Variants in BCKDHB observed in about 807,000 individuals in gnomAD.
The protein encoded by BCKDHB is branched chain keto acid dehydrogenase E1 subunit beta.
Under a neutral mutation model 48.5 loss-of-function variants are expected in BCKDHB, and 41 were observed. That is an observed-to-expected ratio of 0.85 (90% CI 0.66 to 1.10). BCKDHB has a LOEUF of 1.10. Ranked by LOEUF, BCKDHB falls within the 50% of genes least tolerant of loss-of-function variation. The pLI, the probability that BCKDHB is intolerant of heterozygous loss-of-function variation, is 0.00. For missense variants in BCKDHB, 496 were observed against 494.2 expected (o/e 1.00, Z -0.03); for synonymous variants, 201 against 174.8 (o/e 1.15, Z -1.18).
chr6:80,431,819 A>G, the BCKDHB span, among the ~76,000 whole-genome samples: 1 of 152,148 alleles, frequency 6.6e-6, no homozygotes, highest in Non-Finnish European at 1.5e-5. Flanking sequence ...GTCCATTTAC[A>G]TTTAAGATTA....
intron 8 of BCKDHB, among the ~76,000 whole-genome samples, chr6:80,263,625 T>A (rs916365865): frequency 2.6e-5 from 4 of 152,108 alleles, no homozygotes; most frequent in Non-Finnish European, 4.4e-5. Flanking sequence ...TGGACCAAGT[T>A]TTAGAAAATA....
At chr6:80,308,590 T>A (rs1767990000) in intron 9 of BCKDHB, among the ~76,000 whole-genome samples, 1 of 132,814 alleles carries the variant, frequency 7.5e-6, no homozygotes, top group Middle Eastern at 4.0e-3. Flanking sequence ...TTCTTCTTCT[T>A]CTTCTTCTTT....
chr6:80,213,860 A>G (rs1486368627), intron 8 of BCKDHB, among the ~76,000 whole-genome samples: 1 of 152,082 alleles, frequency 6.6e-6, no homozygotes, highest in Non-Finnish European at 1.5e-5. Flanking sequence ...CATATTGGGC[A>G]TCTCTAGTCT....
the BCKDHB span, among the ~76,000 whole-genome samples, chr6:80,369,842 A>G: frequency 2.0e-3 from 310 of 152,330 alleles, 1 homozygote; most frequent in African/African-American, 6.8e-3. Flanking sequence ...ATTCTGGTGG[A>G]CATTAAAGTT....
chr6:80,307,810 A>T (rs1767953166), intron 9 of BCKDHB: 1 of 985,224 alleles, frequency 1.0e-6, no homozygotes, highest in Admixed American at 6.1e-5. Context: ...AGTTGTAGAT[A>T]ATCCATTCAA....
chr6:80,204,061 A>G lies in BCKDHB; in HGVS notation c.951+849A>G, dbSNP rs1405908773. 2.6e-5 allele frequency among the ~76,000 whole-genome samples: 4 copies of G among 152,122 alleles called. 1 individual carries two copies. The highest frequency in any genetic ancestry group is 4.8e-5 in the African/African-American group (2 of 41,444). ...AATTACATGTAAAATTGTAGGAAACAATGACATGTATTATTTTTTCTTGAT... is the reference window on the plus strand; with the variant it reads ...AATTACATGTAAAATTGTAGGAAACGATGACATGTATTATTTTTTCTTGAT... On this transcript the variant is annotated intron_variant, in intron 8 of 9. Transcript: ENST00000320393.
intron 1 of BCKDHB, among the ~76,000 whole-genome samples, chr6:80,121,218 C>G (rs1273904707): frequency 2.0e-5 from 3 of 152,114 alleles, no homozygotes; most frequent in Non-Finnish European, 4.4e-5. Context: ...TTCCATTGAT[C>G]TATATCTCTG....
intron 3 of BCKDHB, among the ~76,000 whole-genome samples, chr6:80,152,220 CA>C (rs1771820507): frequency 6.6e-6 from 1 of 150,958 alleles, no homozygotes; most frequent in Admixed American, 6.6e-5. Flanking sequence ...TGAAAAACTA[CA>C]TTTTTATTGT....
chr6:80,171,397 A>T lies in BCKDHB; in HGVS notation c.742+7A>T, dbSNP rs111903796. ...ATACTTTACAGGGCAGCAGGTAAAG[A>T]TTTTCTTTATTTTATATTTGTGAAT... On this transcript the variant is annotated splice_region_variant and intron_variant, in intron 6 of 9. Coordinates refer to ENST00000320393, the MANE Select transcript of BCKDHB (RefSeq NM_183050.4). 3.5e-4 allele frequency: 522 copies of T among 1,510,058 alleles called. 3 individuals are homozygous for T. The African/African-American group carries it at 6.1e-3, about 18-fold the overall frequency. The allele number at this position is 1,510,058 out of a possible 1,614,324, so 93.5% of individuals were successfully genotyped here.
At chr6:80,454,088 A>T in the BCKDHB span, 8 of 152,130 alleles carry the variant, frequency 5.3e-5, no homozygotes. Context: ...ACCTGACCCA[A>T]TTTCACTTTA....
Position 80,113,421 on chromosome 6 carries a change from G to T in BCKDHB, c.196+6532G>T, listed in dbSNP as rs981052122. On this transcript the variant is annotated intron_variant, in intron 1 of 9. Coordinates refer to ENST00000320393, the MANE Select transcript of BCKDHB (RefSeq NM_183050.4). ...CTCAGGCCTCTCACCCAAACTGGGC[G>T]GTGGTGGTCAGGTGCTTCCACATAG... Among the ~76,000 whole-genome samples the T allele has an allele frequency of 2.6e-5, 4 of 152,326 alleles. No individual in the cohort carries two copies. In the South Asian group the frequency reaches 8.3e-4, roughly 32 times the overall value.
At chr6:80,227,675 A>G (rs564767826) in intron 8 of BCKDHB, among the ~76,000 whole-genome samples, 14 of 152,158 alleles carry the variant, frequency 9.2e-5, no homozygotes, top group Non-Finnish European at 2.1e-4. Flanking sequence ...TAATAATACA[A>G]TCTGTTCTTA....
chr6:80,288,111 G>C (rs1766717066), intron 9 of BCKDHB, among the ~76,000 whole-genome samples: 1 of 151,458 alleles, frequency 6.6e-6, no homozygotes, highest in Non-Finnish European at 1.5e-5. Context: ...TCCAAATTGG[G>C]TGTTAGTAGT....
At chr6:80,440,186 T>G in the BCKDHB span, among the ~76,000 whole-genome samples, 3 of 152,188 alleles carry the variant, frequency 2.0e-5, no homozygotes, top group Non-Finnish European at 4.4e-5. Context: ...TAAAGGTAAC[T>G]TCAGGACTTC....
At chr6:80,260,609 C>T (rs758222695) in intron 8 of BCKDHB, among the ~76,000 whole-genome samples, 1 of 152,144 alleles carries the variant, frequency 6.6e-6, no homozygotes, top group Admixed American at 6.6e-5. Context: ...GAACATATAG[C>T]AAGACTACTG....
At chr6:80,152,974 A>G (rs58723471) in intron 3 of BCKDHB, among the ~76,000 whole-genome samples, 1,759 of 152,212 alleles carry the variant, frequency 0.012, 35 homozygotes, top group African/African-American at 0.04. Flanking sequence ...GTTGCCCCTC[A>G]TTTCCAAGCA....
At chr6:80,123,208 T>C (rs1332992353) in intron 1 of BCKDHB, among the ~76,000 whole-genome samples, 2 of 152,168 alleles carry the variant, frequency 1.3e-5, no homozygotes, top group African/African-American at 2.4e-5. Context: ...ACTGATTTCA[T>C]ATTGTTCAAA....
intron 6 of BCKDHB, among the ~76,000 whole-genome samples, chr6:80,190,056 TGGA>T (rs563045334): frequency 6.6e-6 from 1 of 152,168 alleles, no homozygotes; most frequent in African/African-American, 2.4e-5. Context: ...AGATTTCTAA[TGGA>T]GGAGTGATAT....
At chr6:80,331,188 C>T (rs938317193) in intron 9 of BCKDHB, among the ~76,000 whole-genome samples, 1 of 152,082 alleles carries the variant, frequency 6.6e-6, no homozygotes, top group African/African-American at 2.4e-5. Flanking sequence ...CATCCGGCAA[C>T]CCACCCAGTT....
Sources: allele counts gnomAD v4.1 joint callset (sites outside exome capture counted in the v4.1 genomes callset), GRCh38; gene constraint gnomAD v4.1.1; transcripts MANE v1.5; gene names NCBI Gene and HGNC (gene_info 2026-07-23, HGNC 2026-07-21).